Variants in PTPRD observed in about 807,000 individuals in gnomAD.
PTPRD encodes receptor-type tyrosine-protein phosphatase delta.
In PTPRD, 34 loss-of-function variants were observed where a neutral mutation model predicts 214.5. The ratio of observed to expected loss-of-function variants is 0.16; its 90% CI spans 0.12 to 0.21. PTPRD has a LOEUF of 0.21. Ranked by LOEUF, PTPRD falls within the 10% of genes least tolerant of loss-of-function variation. PTPRD has a pLI of 1.00. For missense variants in PTPRD, 2,545 were observed against 2,398.7 expected (o/e 1.06, Z -1.27); for synonymous variants, 1,128 against 845.7 (o/e 1.33, Z -5.79).
At chr9:9,489,319 T>C (rs1228255042) in intron 8 of PTPRD, among the ~76,000 whole-genome samples, 9 of 152,132 alleles carry the variant, frequency 5.9e-5, no homozygotes, top group Admixed American at 1.3e-4. Flanking sequence ...CTGAGTTCCA[T>C]AGTTACTACA....
At chr9:9,672,803 G>A (rs543393796) in intron 7 of PTPRD, among the ~76,000 whole-genome samples, 141 of 152,030 alleles carry the variant, frequency 9.3e-4, no homozygotes, top group Non-Finnish European at 1.6e-3. Context: ...CTAGACATAC[G>A]ACCTAAATCT....
intron 3 of PTPRD, among the ~76,000 whole-genome samples, chr9:10,189,402 T>C (rs1453983020): frequency 6.6e-6 from 1 of 152,074 alleles, no homozygotes; most frequent in Non-Finnish European, 1.5e-5. Context: ...GCTATCAGAG[T>C]AGAAAGAGTT....
At chr9:10,219,265 G>T (rs1008827530) in intron 3 of PTPRD, among the ~76,000 whole-genome samples, 9 of 151,762 alleles carry the variant, frequency 5.9e-5, no homozygotes, top group Non-Finnish European at 1.2e-4. Context: ...AAGGAAAGAG[G>T]TATTTCAAAC....
intron 8 of PTPRD, among the ~76,000 whole-genome samples, chr9:9,419,067 G>C (rs935737703): frequency 5.3e-5 from 8 of 150,772 alleles, no homozygotes; most frequent in African/African-American, 1.9e-4. Flanking sequence ...GATGCTACAA[G>C]AGTATTCTAT....
intron 11 of PTPRD, among the ~76,000 whole-genome samples, chr9:8,748,867 G>A (rs149190885): frequency 2.2e-4 from 33 of 152,152 alleles, no homozygotes; most frequent in African/African-American, 5.8e-4. Context: ...CCAAGATTGC[G>A]CCAGTGCACT....
intron 10 of PTPRD, among the ~76,000 whole-genome samples, chr9:9,139,551 C>T (rs1300860741): frequency 1.3e-5 from 2 of 152,002 alleles, no homozygotes; most frequent in Non-Finnish European, 1.5e-5. Context: ...CCGCGACAGT[C>T]GAGGGTGGCT....
chr9:8,927,039 G>A (rs371809874), intron 11 of PTPRD, among the ~76,000 whole-genome samples: 7 of 152,044 alleles, frequency 4.6e-5, no homozygotes, highest in South Asian at 2.1e-4. Context: ...GGAGGAAACT[G>A]AGGTCCAGAC....
Position 9,863,557 on chromosome 9 carries a change from A to G in PTPRD, c.-368+74950T>C, listed in dbSNP as rs12351130. Among the ~76,000 whole-genome samples the G allele has an allele frequency of 4.5e-3, 693 of 152,320 alleles. 3 individuals are homozygous for G. Among genetic ancestry groups the G allele is most frequent in the Non-Finnish European group, 7.2e-3 (488 of 68,020 alleles). On this transcript the variant is annotated intron_variant, in intron 5 of 45. Transcript: ENST00000381196. Reference sequence around the variant, plus strand: ...ACTTGATTAATCTAAGCTAATCAAGATTATGACATCCTCCTTGCCAAAGTA... The same window carrying G: ...ACTTGATTAATCTAAGCTAATCAAGGTTATGACATCCTCCTTGCCAAAGTA...
intron 39 of PTPRD, among the ~76,000 whole-genome samples, chr9:8,349,755 A>G (rs545208455): frequency 2.6e-5 from 4 of 152,282 alleles, no homozygotes; most frequent in African/African-American, 9.6e-5. Context: ...AAATTCCAGC[A>G]AAAAGAGAAC....
At chr9:9,711,234 G>A (rs1461096987) in intron 7 of PTPRD, among the ~76,000 whole-genome samples, 1 of 152,144 alleles carries the variant, frequency 6.6e-6, no homozygotes, top group Admixed American at 6.5e-5. Context: ...ATGCAGTGAT[G>A]TGTTTGTGAG....
intron 11 of PTPRD, among the ~76,000 whole-genome samples, chr9:8,894,092 G>T (rs2098575868): frequency 6.6e-6 from 1 of 152,100 alleles, no homozygotes; most frequent in African/African-American, 2.4e-5. Context: ...GGTGGCTCAT[G>T]CCTGTAATCC....
intron 27 of PTPRD, among the ~76,000 whole-genome samples, chr9:8,488,666 T>A (rs1354574883): frequency 6.6e-6 from 1 of 152,244 alleles, no homozygotes; most frequent in Non-Finnish European, 1.5e-5. Context: ...ACAATTATCT[T>A]AATTTTAAAA....
intron 11 of PTPRD, among the ~76,000 whole-genome samples, chr9:8,768,944 C>T (rs915169666): frequency 1.1e-4 from 17 of 152,134 alleles, no homozygotes; most frequent in Admixed American, 1.0e-3. Flanking sequence ...CATGTTATAG[C>T]ACTATATAAT....
At chr9:10,024,693 A>G (rs1430564495) in intron 4 of PTPRD, among the ~76,000 whole-genome samples, 20 of 151,276 alleles carry the variant, frequency 1.3e-4, no homozygotes, top group Admixed American at 1.3e-3. Context: ...GGTTTGTTAC[A>G]TACGTATACA....
intron 8 of PTPRD, among the ~76,000 whole-genome samples, chr9:9,439,892 C>T (rs921891730): frequency 6.6e-6 from 1 of 151,982 alleles, no homozygotes; most frequent in African/African-American, 2.4e-5. Context: ...ATAATTTTTC[C>T]AGTGTCTTGC....
At chr9:10,238,941 G>T (rs2099637871) in intron 3 of PTPRD, among the ~76,000 whole-genome samples, 1 of 151,848 alleles carries the variant, frequency 6.6e-6, no homozygotes, top group South Asian at 2.1e-4. Flanking sequence ...TGACAACATG[G>T]GAATTTTAGC....
chr9:8,800,419 C>T (rs2096548107), intron 11 of PTPRD, among the ~76,000 whole-genome samples: 1 of 152,086 alleles, frequency 6.6e-6, no homozygotes, highest in Non-Finnish European at 1.5e-5. Flanking sequence ...GAGGTCAGCA[C>T]AAGATACAGG....
intron 9 of PTPRD, among the ~76,000 whole-genome samples, chr9:9,389,802 T>A (rs915247803): frequency 4.6e-5 from 7 of 152,204 alleles, no homozygotes; most frequent in Non-Finnish European, 1.0e-4. Context: ...CAAATAGTTA[T>A]TGAACATTCA....
intron 12 of PTPRD, among the ~76,000 whole-genome samples, chr9:8,677,869 T>C (rs1280704403): frequency 1.3e-5 from 2 of 152,130 alleles, no homozygotes; most frequent in Admixed American, 1.3e-4. Context: ...AGTTCTAAGA[T>C]TGATGAATCA....
Sources: gnomAD v4.1 joint callset for allele counts (sites outside exome capture counted in the v4.1 genomes callset) on GRCh38, gnomAD v4.1.1 for gene constraint, MANE v1.5 for transcripts, NCBI Gene and HGNC (gene_info 2026-07-23, HGNC 2026-07-21) for gene names.